The following PLCXD3 variants were observed in gnomAD, a reference collection of about 807,000 sequenced individuals.
PLCXD3 encodes the protein PI-PLC X domain-containing protein 3.
PLCXD3 carries 19 observed loss-of-function variants against 25.5 expected under a neutral mutation model. The ratio of observed to expected loss-of-function variants is 0.75; its 90% CI spans 0.52 to 1.09. The LOEUF (loss-of-function observed/expected upper bound fraction) is 1.09. Among genes scored for constraint, PLCXD3 ranks in the 50% least tolerant of loss-of-function variants. PLCXD3 has a pLI of 0.00. For missense variants in PLCXD3, 411 were observed against 388.1 expected, an observed-to-expected ratio of 1.06 and a Z score of -0.50; for synonymous variants, 174 against 137.6, an observed-to-expected ratio of 1.26 and a Z score of -1.85.
intron 2 of PLCXD3, among the ~76,000 whole-genome samples, chr5:41,348,963 C>T (rs1263003606): frequency 6.6e-6 from 1 of 152,186 alleles, no homozygotes; most frequent in African/African-American, 2.4e-5. Flanking sequence ...CATCCATGTA[C>T]TTGCTCTGGT....
chr5:41,414,601 TTACAAA>T (rs1422815617), intron 1 of PLCXD3, among the ~76,000 whole-genome samples: 1 of 152,230 alleles, frequency 6.6e-6, no homozygotes, highest in African/African-American at 2.4e-5. Flanking sequence ...AAGTAGCCTG[TTACAAA>T]TACAGTACTT....
intron 2 of PLCXD3, among the ~76,000 whole-genome samples, chr5:41,336,273 CAG>C (rs1221306379): frequency 1.1e-4 from 17 of 152,192 alleles, no homozygotes; most frequent in African/African-American, 3.4e-4. Flanking sequence ...GACTTTGGAG[CAG>C]AGTGTCTGAA....
chr5:41,321,848 C>T (rs1157164507), intron 2 of PLCXD3, among the ~76,000 whole-genome samples: 1 of 152,164 alleles, frequency 6.6e-6, no homozygotes, highest in African/African-American at 2.4e-5. Context: ...AGTAATGGTG[C>T]TGGGAAAATT....
In PLCXD3 at chr5:41,331,866, A is replaced by G. The variant is rs320610; in HGVS notation, c.813-18096T>C. 7.9e-5 allele frequency among the ~76,000 whole-genome samples: 12 copies of G among 152,198 alleles called. No homozygotes were observed. In the East Asian group the frequency reaches 1.2e-3, roughly 15 times the overall value. ...GAAAGGATTCCCTATTTAATAAATG[A>G]TGCTGGGAAAACTGGCTAGCCATAT... On this transcript the variant is annotated intron_variant, in intron 2 of 2. Coordinates refer to ENST00000377801, the MANE Select transcript of PLCXD3 (RefSeq NM_001005473.3).
At chr5:41,446,802 TTG>T (rs1187188109) in intron 1 of PLCXD3, among the ~76,000 whole-genome samples, 1 of 152,072 alleles carries the variant, frequency 6.6e-6, no homozygotes, top group Non-Finnish European at 1.5e-5. Context: ...TGGGATAGAG[TTG>T]ATGCTTTGGG....
intron 1 of PLCXD3, among the ~76,000 whole-genome samples, chr5:41,402,734 C>A (rs1746223207): frequency 4.0e-5 from 6 of 151,792 alleles, no homozygotes; most frequent in Non-Finnish European, 8.8e-5. Flanking sequence ...TTGAAGCTCT[C>A]TTATTGTTTA....
At chr5:41,316,851 C>T (rs60192081) in intron 2 of PLCXD3, among the ~76,000 whole-genome samples, 18,461 of 151,964 alleles carry the variant, frequency 0.12, 1,206 homozygotes, top group Middle Eastern at 0.13. Context: ...AATTGGATAC[C>T]AGATAAATTT....
At chr5:41,362,270 T>A (rs1450440679) in intron 2 of PLCXD3, among the ~76,000 whole-genome samples, 2 of 152,200 alleles carry the variant, frequency 1.3e-5, no homozygotes, top group African/African-American at 4.8e-5. Flanking sequence ...TAATTTCAGA[T>A]CTTCATCAGA....
At chr5:41,462,060 A>G (rs1325122039) in intron 1 of PLCXD3, among the ~76,000 whole-genome samples, 1 of 152,018 alleles carries the variant, frequency 6.6e-6, no homozygotes, top group Non-Finnish European at 1.5e-5. Context: ...GGTTTTAGAA[A>G]GGCGTTTAAT....
chr5:41,467,485 T>C (rs987770390), intron 1 of PLCXD3, among the ~76,000 whole-genome samples: 1 of 152,216 alleles, frequency 6.6e-6, no homozygotes, highest in South Asian at 2.1e-4. Context: ...GCAAGTATTT[T>C]CTCCCATTCT....
Position 41,382,065 on chromosome 5 carries a change from C to A in PLCXD3, c.573G>T (p.Val191=). 4 of 1,613,676 alleles carry A rather than the reference C, an allele frequency of 2.5e-6. No individual in the cohort carries two copies. Among genetic ancestry groups the A allele is most frequent in the Non-Finnish European group, 3.4e-6 (4 of 1,179,756 alleles). Residue 191 remains valine, a synonymous_variant, in exon 2 of 3, where the codon GTG becomes GTT. Transcript: ENST00000377801. ...CCACTGGACTATGGTAGAAGACCAG[C>A]ACTTGATAGTCCTTCTCCCACAGGT... is the stretch of plus-strand genomic sequence containing the variant. The part of the protein sequence containing the change: ...LKYLWEKDYQ[V]LVFYHSPVAL...
intron 2 of PLCXD3, among the ~76,000 whole-genome samples, chr5:41,328,761 C>T (rs976279904): frequency 3.9e-5 from 6 of 152,126 alleles, no homozygotes; most frequent in African/African-American, 1.4e-4. Flanking sequence ...AGGTCGTCTT[C>T]TCATATGCTG....
At chr5:41,490,418 A>C (rs1045177566) in intron 1 of PLCXD3, among the ~76,000 whole-genome samples, 1 of 152,088 alleles carries the variant, frequency 6.6e-6, no homozygotes, top group African/African-American at 2.4e-5. Flanking sequence ...TGTCTCTGCC[A>C]GGCTTTGGTA....
At chr5:41,422,768 A>T (rs1746859266) in intron 1 of PLCXD3, among the ~76,000 whole-genome samples, 1 of 152,130 alleles carries the variant, frequency 6.6e-6, no homozygotes, top group African/African-American at 2.4e-5. Flanking sequence ...GTTTGCTATA[A>T]AAGTGGCATT....
At chr5:41,442,675 T>C (rs1480327109) in intron 1 of PLCXD3, among the ~76,000 whole-genome samples, 1 of 152,220 alleles carries the variant, frequency 6.6e-6, no homozygotes, top group African/African-American at 2.4e-5. Flanking sequence ...AATTGTGTTG[T>C]GATGGTAGAA....
chr5:41,492,609 T>A (rs1407750600), intron 1 of PLCXD3, among the ~76,000 whole-genome samples: 4 of 152,234 alleles, frequency 2.6e-5, no homozygotes, highest in African/African-American at 7.2e-5. Context: ...CATAGTCCCA[T>A]ATTTCTTGGA....
chr5:41,321,918 A>G (rs1743483475), intron 2 of PLCXD3, among the ~76,000 whole-genome samples: 1 of 152,232 alleles, frequency 6.6e-6, no homozygotes, highest in East Asian at 1.9e-4. Flanking sequence ...CACCATATAC[A>G]AAAATCAGAT....
chr5:41,418,043 A>G (rs147791581), intron 1 of PLCXD3, among the ~76,000 whole-genome samples: 1 of 152,370 alleles, frequency 6.6e-6, no homozygotes, highest in African/African-American at 2.4e-5. Flanking sequence ...TAATCCAACA[A>G]AACATGTAAT....
At chr5:41,433,520 C>T (rs1747166160) in intron 1 of PLCXD3, among the ~76,000 whole-genome samples, 1 of 152,134 alleles carries the variant, frequency 6.6e-6, no homozygotes, top group African/African-American at 2.4e-5. Context: ...TTTCCACCAT[C>T]CCAAGATGGA....
Sources: allele counts gnomAD v4.1 joint callset (sites outside exome capture counted in the v4.1 genomes callset), GRCh38; gene constraint gnomAD v4.1.1; transcripts MANE v1.5; gene names NCBI Gene and HGNC (gene_info 2026-07-23, HGNC 2026-07-21).